SURF4: variants seen among roughly 807,000 people sequenced by gnomAD.
SURF4 encodes surfeit 4.
Under a neutral mutation model 30.0 loss-of-function variants are expected in SURF4, and 3 were observed. The ratio of observed to expected loss-of-function variants is 0.10; its 90% CI spans 0.05 to 0.26. The LOEUF (loss-of-function observed/expected upper bound fraction) is 0.26. SURF4 is among the 10% of genes least tolerant of loss of function. SURF4 has a pLI of 1.00. For missense variants in SURF4, 217 were observed against 350.8 expected (o/e 0.62, Z 3.05); for synonymous variants, 143 against 139.9 (o/e 1.02, Z -0.16).
At chr9:133,370,924 A>G (rs1222135888) in intron 1 of SURF4, 9 of 1,289,756 alleles carry the variant, frequency 7.0e-6, no homozygotes, top group Non-Finnish European at 9.1e-6. Flanking sequence ...CGCGCCATCA[A>G]GCAGGATATG....
At chr9:133,366,063 A>G in intron 3 of SURF4, 35 bp from the exon 4 acceptor site, 1 of 1,608,906 alleles carries the variant, frequency 6.2e-7, no homozygotes, top group Non-Finnish European at 8.5e-7. Flanking sequence ...CTTGAGTCTC[A>G]GCCTTTCCAA....
intron 3 of SURF4, 21 bp from the exon 4 acceptor site, chr9:133,366,049 G>GT: frequency 6.2e-7 from 1 of 1,613,358 alleles, no homozygotes; most frequent in Non-Finnish European, 8.5e-7. Context: ...AGAAGAGAGA[G>GT]ATACTTGAGT....
chr9:133,367,621 G>C, intron 1 of SURF4, 176 bp from the exon 2 acceptor site: 1 of 1,476,648 alleles, frequency 6.8e-7, no homozygotes, highest in Non-Finnish European at 9.0e-7. Flanking sequence ...TTGCTCCTGA[G>C]CGCTACCCTG....
intron 1 of SURF4, among the ~76,000 whole-genome samples, chr9:133,370,334 A>AT (rs1837431616): frequency 6.6e-6 from 1 of 152,042 alleles, no homozygotes; most frequent in Admixed American, 6.5e-5. Context: ...TTGGGGAAAA[A>AT]TATGCAAAAA....
At chr9:133,376,655 G>A, upstream of SURF4, 22 of 1,153,616 alleles carry the variant, frequency 1.9e-5, no homozygotes, top group Non-Finnish European at 2.5e-5. Flanking sequence ...GGGCGGCGAG[G>A]GGCCCGCGCC....
chr9:133,370,962 G>T (rs2130185183), intron 1 of SURF4: 5 of 1,289,326 alleles, frequency 3.9e-6, no homozygotes, highest in Non-Finnish European at 3.0e-6. Flanking sequence ...GCATCTGAGG[G>T]GCTTAACAGG....
upstream of SURF4, chr9:133,376,460 G>A (rs2130248081): frequency 1.5e-5 from 23 of 1,570,868 alleles, no homozygotes; most frequent in Admixed American, 3.8e-5. Context: ...GCCCGTACGC[G>A]GTCGCTACTG....
At chr9:133,370,272 A>T (rs1486681143) in intron 1 of SURF4, among the ~76,000 whole-genome samples, 4 of 152,198 alleles carry the variant, frequency 2.6e-5, no homozygotes, top group African/African-American at 4.8e-5. Context: ...CAGGCAATTC[A>T]CACCTCCTTC....
chr9:133,366,976 C>G (rs2130134637), intron 2 of SURF4, among the ~76,000 whole-genome samples: 9,180 of 152,316 alleles, frequency 0.06, 349 homozygotes, highest in Non-Finnish European at 0.087. Context: ...CTACTGTGGA[C>G]TGCCAGCCAG....
intron 1 of SURF4, among the ~76,000 whole-genome samples, chr9:133,372,384 TGCGGACTCA>T (rs1182291270): frequency 6.6e-6 from 1 of 152,230 alleles, no homozygotes; most frequent in African/African-American, 2.4e-5. Context: ...GGTAACAGGA[TGCGGACTCA>T]GTCTCCAGGC....
At chr9:133,364,040 T>G in intron 5 of SURF4, 1 of 673,536 alleles carries the variant, frequency 1.5e-6, no homozygotes, top group Non-Finnish European at 2.7e-6. Context: ...CATAACTAAA[T>G]TCCCAAGTGC....
rs1238771918 is a variant in SURF4, at chr9:133,366,635, G to A, written c.276C>T (p.Tyr92=). The stretch of plus-strand genomic sequence containing the variant: ...TGATTCCAAAGAGCCCGAAGCAGGC[G>A]TACTGCACGAAGTTCCTGCTCAACA... ...VLVLSRNFVQ[Y]ACFGLFGIIA... Residue 92 remains tyrosine (Y), a synonymous_variant, in exon 3 of 6, where the codon TAC becomes TAT. Coordinates refer to ENST00000371989, the MANE Select transcript of SURF4 (RefSeq NM_033161.4). 6 of 1,613,780 alleles carry A rather than the reference G, an allele frequency of 3.7e-6. No homozygotes were observed. The highest frequency in any genetic ancestry group is 1.3e-5 in the African/African-American group (1 of 74,900).
At chr9:133,370,706 C>G (rs1485667559) in intron 1 of SURF4, among the ~76,000 whole-genome samples, 2 of 152,210 alleles carry the variant, frequency 1.3e-5, no homozygotes, top group African/African-American at 4.8e-5. Context: ...AGCCGCACTG[C>G]AGGCACTAAG....
chr9:133,372,531 C>T, intron 1 of SURF4: 1 of 934,024 alleles, frequency 1.1e-6, no homozygotes, highest in Non-Finnish European at 1.3e-6. Context: ...CAGTGAAAGA[C>T]TTAATGTCAT....
rs1227673842 is a variant in SURF4 at position 133,375,378 on chromosome 9, G to A, written c.48+544C>T. The A allele has an allele frequency of 1.5e-4, 145 of 985,622 alleles. 1 individual carries two copies. Among genetic ancestry groups the A allele is most frequent in the Non-Finnish European group, 1.6e-4 (136 of 830,154 alleles). The allele number at this position is 985,622 out of a possible 1,614,324, so 61.1% of individuals were successfully genotyped here. A position where few individuals can be genotyped will look rare whatever the true frequency, so the allele number is the denominator to read the frequency against. ...AGACAGGGTCAAAGGGACCCCAAGAGTCCAGCACATCTGGGAAAGAGAAAA... is the reference window on the plus strand; with the variant it reads ...AGACAGGGTCAAAGGGACCCCAAGAATCCAGCACATCTGGGAAAGAGAAAA... On this transcript the variant is annotated intron_variant, in intron 1 of 5. Coordinates refer to ENST00000371989, the MANE Select transcript of SURF4 (RefSeq NM_033161.4).
At chr9:133,376,403 C>T (rs1837946166), upstream of SURF4, 3 of 1,461,408 alleles carry the variant, frequency 2.1e-6, no homozygotes, top group South Asian at 1.3e-5. Flanking sequence ...GGGAGGATCC[C>T]GCGGGTCCCA....
Position 133,365,081 on chromosome 9 carries a change from TGTGAGACCAGGTGCA to T in SURF4, c.357-70_357-56del, listed in dbSNP as rs2119125743. 5 of 1,443,686 alleles carry T rather than the reference TGTGAGACCAGGTGCA, an allele frequency of 3.5e-6. No individual in the cohort carries two copies. The East Asian group carries it at 1.3e-4, about 37-fold the overall frequency. 89.4% of individuals were successfully genotyped at this position (1,443,686 alleles called of 1,614,324 possible). On this transcript the variant is annotated intron_variant, in intron 4 of 5. Coordinates refer to ENST00000371989, the MANE Select transcript of SURF4 (RefSeq NM_033161.4). ...AAGCCTCACCAGGATCTGGCCTGTC[TGTGAGACCAGGTGCA>T]GGGAGACCTTGCTGCCAGTATAAGA...
At chr9:133,370,462 C>G (rs1186545248) in intron 1 of SURF4, among the ~76,000 whole-genome samples, 1 of 152,214 alleles carries the variant, frequency 6.6e-6, no homozygotes, top group African/African-American at 2.4e-5. Flanking sequence ...TCTAAACTGG[C>G]CACCATTTAA....
Position 133,363,850 on chromosome 9 carries a change from G to T in SURF4, c.544-91C>A, listed in dbSNP as rs1440322312. On this transcript the variant is annotated intron_variant, in intron 5 of 5. Coordinates refer to ENST00000371989, the MANE Select transcript of SURF4 (RefSeq NM_033161.4). This position sits in a 1 kb window ranked among gnomAD's most constrained non-coding sequence, Gnocchi z 4.3. ...AGTTCCAGCTGCTGCACGTCATGAA[G>T]TCTCTATCCATCAGGCTGATGTAGC... 2.0e-6 allele frequency: 3 copies of T among 1,508,894 alleles called. No individual in the cohort carries two copies. The highest frequency in any genetic ancestry group is 3.6e-5 in the Admixed American group (2 of 56,178). 93.5% of individuals were successfully genotyped at this position (1,508,894 alleles called of 1,614,324 possible). A position where few individuals can be genotyped will look rare whatever the true frequency, so the allele number is the denominator to read the frequency against.
Sources: gnomAD v4.1 joint callset for allele counts (sites outside exome capture counted in the v4.1 genomes callset) on GRCh38, gnomAD v4.1.1 for gene constraint, Gnocchi (gnomAD v3.1) non-coding constraint, MANE v1.5 for transcripts, NCBI Gene and HGNC (gene_info 2026-07-23, HGNC 2026-07-21) for gene names.